Variants in PDE4D observed in about 807,000 individuals in gnomAD.
PDE4D encodes 3',5'-cyclic-AMP phosphodiesterase 4D.
In PDE4D, 24 loss-of-function variants were observed where a neutral mutation model predicts 87.4. That is an observed-to-expected ratio of 0.27 (90% CI 0.20 to 0.39). The LOEUF (loss-of-function observed/expected upper bound fraction) is 0.39. PDE4D is among the 10% of genes least tolerant of loss of function. The pLI, the probability that PDE4D is intolerant of heterozygous loss-of-function variation, is 1.00. For missense variants in PDE4D, 714 were observed against 1,041.0 expected (o/e 0.69, Z 4.32); for synonymous variants, 384 against 383.2 (o/e 1.00, Z -0.02).
At chr5:60,120,321 G>A (rs149812024) in intron 2 of PDE4D, among the ~76,000 whole-genome samples, 58 of 152,250 alleles carry the variant, frequency 3.8e-4, no homozygotes, top group African/African-American at 1.3e-3. Flanking sequence ...GGAGTTAGTT[G>A]CTACAAACTT....
intron 6 of PDE4D, among the ~76,000 whole-genome samples, chr5:59,034,360 C>T (rs1460625432): frequency 1.3e-5 from 2 of 152,088 alleles, no homozygotes. Flanking sequence ...GCTGTTTTCT[C>T]TCTATAAAAC....
intron 1 of PDE4D, among the ~76,000 whole-genome samples, chr5:59,685,590 G>A (rs552942716): frequency 1.3e-5 from 2 of 152,260 alleles, no homozygotes; most frequent in African/African-American, 4.8e-5. Flanking sequence ...AGAGGATTTT[G>A]TGATTTCTAA....
chr5:59,602,190 C>T (rs556509037), intron 1 of PDE4D, among the ~76,000 whole-genome samples: 51 of 151,990 alleles, frequency 3.4e-4, no homozygotes, highest in Admixed American at 6.6e-4. Flanking sequence ...TTTCAATAGA[C>T]GCAGAAAAAG....
chr5:59,316,696 A>C (rs1581922105), intron 1 of PDE4D, among the ~76,000 whole-genome samples: 1 of 152,320 alleles, frequency 6.6e-6, no homozygotes, highest in East Asian at 1.9e-4. Context: ...TGAACTCTAG[A>C]ATGTGGTTAG....
At chr5:59,082,505 C>T (rs975062954) in intron 5 of PDE4D, among the ~76,000 whole-genome samples, 1 of 151,984 alleles carries the variant, frequency 6.6e-6, no homozygotes, top group Non-Finnish European at 1.5e-5. Context: ...AAAGGTCAAA[C>T]ATTATAAAGC....
At chr5:59,002,177 G>T in intron 6 of PDE4D, 1 of 364,606 alleles carries the variant, frequency 2.7e-6, no homozygotes, top group Admixed American at 3.8e-5. Context: ...GAGACCTAGA[G>T]AGAAAAAATG....
intron 1 of PDE4D, among the ~76,000 whole-genome samples, chr5:59,565,606 G>A (rs1561218662): frequency 6.6e-6 from 1 of 152,240 alleles, no homozygotes; most frequent in Non-Finnish European, 1.5e-5. Flanking sequence ...TCACTGGGAG[G>A]TGTGGGTAGT....
At chr5:60,155,920 C>G (rs1781933984) in intron 2 of PDE4D, among the ~76,000 whole-genome samples, 1 of 152,120 alleles carries the variant, frequency 6.6e-6, no homozygotes, top group Non-Finnish European at 1.5e-5. Context: ...GGCTTGCTGC[C>G]CTAGTATTCT....
intron 1 of PDE4D, among the ~76,000 whole-genome samples, chr5:59,346,393 T>C (rs966763130): frequency 6.6e-6 from 1 of 152,180 alleles, no homozygotes; most frequent in African/African-American, 2.4e-5. Flanking sequence ...AAGAGAATCC[T>C]TTCCATTTTA....
At chr5:59,079,832 AAGGAGGGGAG>A (rs777232084) in intron 5 of PDE4D, among the ~76,000 whole-genome samples, 5,854 of 130,894 alleles carry the variant, frequency 0.045, 484 homozygotes, top group African/African-American at 0.15. Flanking sequence ...AAGGAAAGGA[AAGGAGGGGAG>A]AGGAGGGGAG....
At chr5:58,976,958 C>T (rs1416781903) in intron 12 of PDE4D, among the ~76,000 whole-genome samples, 3 of 152,064 alleles carry the variant, frequency 2.0e-5, no homozygotes, top group Admixed American at 2.0e-4. Context: ...TGGAGGGGCC[C>T]AGAAAATAAA....
intron 2 of PDE4D, among the ~76,000 whole-genome samples, chr5:60,045,384 A>G (rs899821754): frequency 3.3e-5 from 5 of 152,088 alleles, no homozygotes; most frequent in African/African-American, 1.2e-4. Context: ...CTATTTGTCA[A>G]TTTTGGCTTT....
intron 2 of PDE4D, among the ~76,000 whole-genome samples, chr5:60,128,093 C>T (rs530894608): frequency 6.6e-6 from 1 of 152,210 alleles, no homozygotes; most frequent in East Asian, 1.9e-4. Flanking sequence ...TTACTTCTTA[C>T]CTAGAAGTTG....
chr5:58,972,093 G>A lies in PDE4D; in HGVS notation c.*2571C>T, dbSNP rs1278108859. On this transcript the variant is annotated 3_prime_UTR_variant, in exon 15 of 15. Coordinates refer to ENST00000340635, the MANE Select transcript of PDE4D (RefSeq NM_001104631.2). ...CTGGATTTGTTAATGACATATTGCT[G>A]CTTTTTATTTTATTCATTATTAAGA... 1 of 152,504 alleles carries A rather than the reference G, an allele frequency of 6.6e-6. No individual in the cohort carries two copies. Among genetic ancestry groups the A allele is most frequent in the Non-Finnish European group, 1.5e-5 (1 of 68,010 alleles). 9.4% of individuals were successfully genotyped at this position (152,504 alleles called of 1,614,324 possible).
intron 1 of PDE4D, among the ~76,000 whole-genome samples, chr5:59,881,215 T>C (rs1317970327): frequency 6.6e-6 from 1 of 152,210 alleles, no homozygotes; most frequent in Non-Finnish European, 1.5e-5. Context: ...GCATTTTATA[T>C]ATGTTTAAAC....
intron 1 of PDE4D, among the ~76,000 whole-genome samples, chr5:60,187,261 C>G (rs553283568): frequency 3.9e-4 from 59 of 152,236 alleles, no homozygotes; most frequent in African/African-American, 1.4e-3. Flanking sequence ...AAGTTCTCAG[C>G]TAGTACACCT....
At chr5:60,199,772 C>T (rs1741699018) in intron 1 of PDE4D, among the ~76,000 whole-genome samples, 1 of 151,696 alleles carries the variant, frequency 6.6e-6, no homozygotes, top group Non-Finnish European at 1.5e-5. Context: ...CTCATCCAAA[C>T]TCTGCTAAGA....
intron 2 of PDE4D, among the ~76,000 whole-genome samples, chr5:59,207,587 CT>C (rs1485314030): frequency 1.3e-5 from 2 of 152,068 alleles, no homozygotes; most frequent in Non-Finnish European, 2.9e-5. Flanking sequence ...GAAAAATAGG[CT>C]AATCTTCCTT....
chr5:59,825,931 G>C (rs6859121), intron 1 of PDE4D, among the ~76,000 whole-genome samples: 1 of 152,038 alleles, frequency 6.6e-6, no homozygotes, highest in African/African-American at 2.4e-5. Context: ...GGGGAAAGCT[G>C]GTGATGGGAA....
Sources: allele counts gnomAD v4.1 joint callset (sites outside exome capture counted in the v4.1 genomes callset), GRCh38; gene constraint gnomAD v4.1.1; transcripts MANE v1.5; gene names NCBI Gene and HGNC (gene_info 2026-07-23, HGNC 2026-07-21).